Variants in TRIO observed in about 807,000 individuals in gnomAD.
TRIO encodes the protein trio Rho guanine nucleotide exchange factor, also known as triple functional domain protein.
TRIO carries 58 observed loss-of-function variants against 351.9 expected under a neutral mutation model. The ratio of observed to expected loss-of-function variants is 0.16; its 90% confidence interval spans 0.13 to 0.21. The LOEUF (loss-of-function observed/expected upper bound fraction) is 0.21, where lower values mean the gene tolerates loss of function less well. TRIO is among the 10% of genes least tolerant of loss of function. The pLI is 1.00. For missense variants in TRIO, 3,201 were observed against 4,027.8 expected (o/e 0.79, Z 5.56); for synonymous variants, 1,758 against 1,595.7 (o/e 1.10, Z -2.42).
intron 27 of TRIO, among the ~76,000 whole-genome samples, chr5:14,393,222 A>G (rs1371891963): frequency 2.0e-5 from 3 of 151,706 alleles, no homozygotes; most frequent in Non-Finnish European, 4.4e-5. Flanking sequence ...GGAGGGGAAC[A>G]TCACACACTG....
intron 29 of TRIO, among the ~76,000 whole-genome samples, chr5:14,398,511 C>T (rs140104850): frequency 4.0e-5 from 6 of 151,710 alleles, no homozygotes; most frequent in Non-Finnish European, 8.8e-5. Flanking sequence ...AGAGGAGAGT[C>T]GGAACTGTTT....
In TRIO at chr5:14,333,171, C is replaced by T. The variant is rs114200478; in HGVS notation, c.1854+2271C>T. Among the ~76,000 whole-genome samples the T allele has an allele frequency of 9.5e-3, 1,445 of 152,280 alleles. 15 individuals are homozygous for T. Among genetic ancestry groups the T allele is most frequent in the Non-Finnish European group, 0.015 (1,017 of 68,026 alleles). On this transcript the variant is annotated intron_variant, in intron 10 of 56. Transcript: ENST00000344204. ...GCGGGCCACTTCACCTCGCTAAAAC[C>T]CTCCCACTCCCACACTACACAACAG...
intron 13 of TRIO, 63 bp downstream of exon 13, chr5:14,359,594 G>A (rs1743950754): frequency 2.5e-5 from 40 of 1,573,578 alleles, no homozygotes; most frequent in East Asian, 4.5e-5. Context: ...CCACAGCACC[G>A]GCGCCCTCTT....
At chr5:14,462,701 C>G in intron 35 of TRIO, 54 bp from the exon 36 acceptor site, 1 of 1,604,364 alleles carries the variant, frequency 6.2e-7, no homozygotes, top group East Asian at 2.3e-5. Flanking sequence ...AACCCTTGGT[C>G]CACGTCTGTG....
At chr5:14,315,116 G>A (rs1739266436) in intron 8 of TRIO, among the ~76,000 whole-genome samples, 1 of 152,154 alleles carries the variant, frequency 6.6e-6, no homozygotes, top group Non-Finnish European at 1.5e-5. Context: ...AGGGTCACTT[G>A]CCACCAGGTT....
intron 1 of TRIO, among the ~76,000 whole-genome samples, chr5:14,258,696 C>T (rs1795165933): frequency 6.6e-6 from 1 of 152,134 alleles, no homozygotes; most frequent in African/African-American, 2.4e-5. Flanking sequence ...TTATTGAGGG[C>T]CGCCCAGTAG....
chr5:14,295,317 G>A (rs1048003381), intron 6 of TRIO, among the ~76,000 whole-genome samples: 10 of 152,348 alleles, frequency 6.6e-5, no homozygotes, highest in Non-Finnish European at 1.5e-4. Context: ...GCCTGTAGGT[G>A]TAGGTACTTT....
In TRIO at chr5:14,291,223, G is replaced by A; in HGVS notation, c.1048G>A (p.Glu350Lys). 3 of 1,612,358 alleles carry A rather than the reference G, an allele frequency of 1.9e-6. No individual in the cohort carries two copies. The South Asian group carries it at 3.3e-5, about 18-fold the overall frequency. ...FQLRLFEQDAEKMFDWITHNK... is the reference protein window; with the variant it reads ...FQLRLFEQDAKKMFDWITHNK... The stretch of plus-strand genomic sequence containing the variant: ...GCTGAGGCTGTTTGAACAGGATGCT[G>A]AGAAGGTAAAGACGGGGGAGGCTAA... Residue 350 changes from glutamate (E) to lysine (K), a missense_variant, in exon 5 of 57, where the codon GAG becomes AAG. By Grantham distance (56) the Glu-to-Lys change is moderately conservative (BLOSUM62 1). Around this residue, in one of 19 missense-constraint regions of TRIO, gnomAD observed 349 missense variants for 449.3 expected, o/e 0.78. Transcript: ENST00000344204.
chr5:14,257,368 T>G (rs1795082325), intron 1 of TRIO, among the ~76,000 whole-genome samples: 1 of 152,180 alleles, frequency 6.6e-6, no homozygotes, highest in Non-Finnish European at 1.5e-5. Flanking sequence ...TGCAGAAAGA[T>G]AGACAGGTTA....
At chr5:14,342,263 T>C (rs1477931580) in intron 11 of TRIO, among the ~76,000 whole-genome samples, 1 of 152,194 alleles carries the variant, frequency 6.6e-6, no homozygotes, top group Non-Finnish European at 1.5e-5. Context: ...TCCAGGAGTA[T>C]ATTGAAAACA....
intron 34 of TRIO, among the ~76,000 whole-genome samples, chr5:14,443,291 A>G (rs1466104818): frequency 6.6e-6 from 1 of 152,178 alleles, no homozygotes; most frequent in South Asian, 2.1e-4. Context: ...ACTTCACCAT[A>G]AAGGATAGAT....
rs1561435555 is a variant in TRIO, at chr5:14,394,174, GTAT to G, written c.4311+49_4311+51del. 3.9e-6 allele frequency: 5 copies of G among 1,274,974 alleles called. No homozygotes were observed. In the South Asian group the frequency reaches 7.0e-5, roughly 18 times the overall value. The allele number at this position is 1,274,974 out of a possible 1,614,324, so 79.0% of individuals were successfully genotyped here. A position where few individuals can be genotyped will look rare whatever the true frequency, so the allele number is the denominator to read the frequency against. ...CAGCCTGTGAAATTTTATGAATTATGTATTATTTTGACATTTACTATATATTTA... is the reference window on the plus strand; with the variant it reads ...CAGCCTGTGAAATTTTATGAATTATGTATTTTGACATTTACTATATATTTA... On this transcript the variant is annotated intron_variant, in intron 28 of 56. Coordinates refer to ENST00000344204, the MANE Select transcript of TRIO (RefSeq NM_007118.4).
intron 29 of TRIO, among the ~76,000 whole-genome samples, chr5:14,398,234 G>A (rs774963543): frequency 6.6e-6 from 1 of 152,156 alleles, no homozygotes; most frequent in African/African-American, 2.4e-5. Flanking sequence ...AAGCCCTGGT[G>A]GCTTCATAAC....
chr5:14,189,203 G>A (rs1488671745), intron 1 of TRIO, among the ~76,000 whole-genome samples: 1 of 152,148 alleles, frequency 6.6e-6, no homozygotes, highest in Non-Finnish European at 1.5e-5. Flanking sequence ...CCTACACTAA[G>A]CCTAAGCTTT....
At chr5:14,328,589 A>T (rs568372109) in intron 9 of TRIO, among the ~76,000 whole-genome samples, 3 of 152,378 alleles carry the variant, frequency 2.0e-5, no homozygotes, top group African/African-American at 7.2e-5. Context: ...TGGAATATGT[A>T]CAGCCTGTGC....
At chr5:14,388,579 T>C (rs1350501614) in intron 23 of TRIO, 34 bp from the exon 24 acceptor site, 2 of 1,595,008 alleles carry the variant, frequency 1.3e-6, no homozygotes, top group Non-Finnish European at 1.7e-6. Flanking sequence ...AGCTGCACCC[T>C]GACTGTACTC....
chr5:14,169,251 AT>A (rs1264748270), intron 1 of TRIO, among the ~76,000 whole-genome samples: 5 of 103,276 alleles, frequency 4.8e-5, no homozygotes, highest in Non-Finnish European at 8.6e-5. Context: ...CCCCATTTTT[AT>A]TTTTACATCA....
intron 14 of TRIO, 136 bp from the exon 15 acceptor site, chr5:14,364,514 A>G (rs1744427845): frequency 3.8e-6 from 4 of 1,040,438 alleles, no homozygotes; most frequent in East Asian, 5.0e-5. Context: ...CCCTCCTTGA[A>G]CTTGCCCTTC....
chr5:14,412,560 C>T (rs1020774494), intron 33 of TRIO, among the ~76,000 whole-genome samples: 7 of 152,146 alleles, frequency 4.6e-5, no homozygotes, highest in African/African-American at 7.2e-5. Context: ...TAGGGCTGCT[C>T]GGCCAGGCAC....
Sources: allele counts gnomAD v4.1 joint callset (sites outside exome capture counted in the v4.1 genomes callset), GRCh38; gene constraint gnomAD v4.1.1; regional missense constraint gnomAD v4.1.1; transcripts MANE v1.5; gene names NCBI Gene and HGNC (gene_info 2026-07-23, HGNC 2026-07-21).